Variants in WRAP53 observed in about 807,000 individuals in gnomAD.
WRAP53 encodes telomerase Cajal body protein 1.
In WRAP53, 28 loss-of-function variants were observed where a neutral mutation model predicts 56.6. That is an observed-to-expected ratio of 0.50 (90% CI 0.37 to 0.68). The LOEUF is 0.68. WRAP53 is among the 30% of genes least tolerant of loss of function. The probability of loss-of-function intolerance (pLI) is 0.00; values close to 1 mark genes in which losing one functional copy is unlikely to be tolerated. For synonymous variants in WRAP53, 283 were observed against 283.4 expected (o/e 1.00, Z 0.01); for missense variants, 671 against 715.5 (o/e 0.94, Z 0.71).
upstream of WRAP53, chr17:7,687,785 A>T (rs1189014563): frequency 2.5e-6 from 1 of 396,400 alleles, no homozygotes; most frequent in Non-Finnish European, 4.4e-6. Context: ...CATTGTGTCA[A>T]ATATGAAGGG....
At chr17:7,689,804 CTG>C (rs2074085083) in intron 4 of WRAP53, 103 bp downstream of exon 4, 1 of 970,970 alleles carries the variant, frequency 1.0e-6, no homozygotes, top group African/African-American at 1.6e-5. Context: ...ACAAACGGGA[CTG>C]TTTTTCAAGA....
In WRAP53 at chr17:7,701,893, TC is replaced by T. The variant is rs749292757; in HGVS notation, c.955+105del. 2 of 1,523,274 alleles carry T rather than the reference TC, an allele frequency of 1.3e-6. No individual in the cohort carries two copies. Among genetic ancestry groups the T allele is most frequent in the African/African-American group, 2.7e-5 (2 of 72,910 alleles). The allele number at this position is 1,523,274 out of a possible 1,614,324, so 94.4% of individuals were successfully genotyped here. A position where few individuals can be genotyped will look rare whatever the true frequency, so the allele number is the denominator to read the frequency against. The stretch of plus-strand genomic sequence containing the variant: ...CCACCTGTGGGGGTTCACGCCGTCC[TC>T]TGTACGGCCCCGGGAGCAGGTGCAG... On this transcript the variant is annotated intron_variant, in intron 7 of 10. Coordinates refer to ENST00000396463, the MANE Select transcript of WRAP53 (RefSeq NM_001143992.2). The surrounding 1 kb of genome is among the most constrained non-coding windows in gnomAD (Gnocchi z 4.2).
chr17:7,689,482 C>G (rs936989880), intron 3 of WRAP53, 108 bp from the exon 4 acceptor site: 1 of 1,287,180 alleles, frequency 7.8e-7, no homozygotes, highest in Non-Finnish European at 1.1e-6. Flanking sequence ...TCTTCTACTT[C>G]CCTCAAGGAT....
intron 4 of WRAP53, among the ~76,000 whole-genome samples, chr17:7,697,275 C>T (rs1197349469): frequency 6.7e-5 from 10 of 149,272 alleles, no homozygotes; most frequent in Admixed American, 1.3e-4. Flanking sequence ...GAGCCGAGAT[C>T]GTGCCACTGC....
chr17:7,699,502 T>TATATATATATATA (rs1567577549), intron 4 of WRAP53, among the ~76,000 whole-genome samples: 2 of 11,762 alleles, frequency 1.7e-4, no homozygotes, highest in Non-Finnish European at 2.6e-4. Flanking sequence ...ATATATATAT[T>TATATATATATATA]TATATATATA....
rs1051769455 is a variant in WRAP53 at position 7,695,931 on chromosome 17, A to G, written c.643-4810A>G. Among the ~76,000 whole-genome samples, 6 of 151,994 alleles carry G rather than the reference A, an allele frequency of 3.9e-5. No homozygotes were observed. In the South Asian group the frequency reaches 1.2e-3, roughly 31 times the overall value. ...GCCTCCTTTTGCTCATTAAAACCGT[A>G]TTTGTTGACTCTGCTTATTCTGCAC... is the stretch of plus-strand genomic sequence containing the variant. On this transcript the variant is annotated intron_variant, in intron 4 of 10. Transcript: ENST00000396463.
chr17:7,686,705 A>C (rs1023420140), upstream of WRAP53: 1 of 152,428 alleles, frequency 6.6e-6, no homozygotes, highest in African/African-American at 2.4e-5. Flanking sequence ...GAGCCAAACA[A>C]TAACAGGGCT....
chr17:7,695,308 T>A (rs1210860201), intron 4 of WRAP53, among the ~76,000 whole-genome samples: 1 of 152,114 alleles, frequency 6.6e-6, no homozygotes, highest in East Asian at 1.9e-4. Flanking sequence ...TGTATTTGGG[T>A]ATTTCCATAT....
Position 7,700,791 on chromosome 17 carries a change from G to A in WRAP53, c.693G>A (p.Trp231Ter). Residue 231 changes from tryptophan to a stop codon, truncating the protein, a stop_gained, in exon 5 of 11, where the codon TGG becomes TGA. Coordinates refer to ENST00000396463, the MANE Select transcript of WRAP53 (RefSeq NM_001143992.2). LOFTEE classifies it high-confidence loss of function. Reference protein sequence around the residue: ...VEGDTIYDYCWYSLMSSAQPD... With the variant: ...VEGDTIYDYC ...GTGATACCATCTATGATTACTGCTGGTATTCTCTGATGTCCTCAGCCCAGC... is the reference window on the plus strand; with the variant it reads ...GTGATACCATCTATGATTACTGCTGATATTCTCTGATGTCCTCAGCCCAGC... 1.2e-6 allele frequency: 2 copies of A among 1,613,198 alleles called. No homozygotes were observed. Among genetic ancestry groups the A allele is most frequent in the South Asian group, 2.2e-5 (2 of 91,068 alleles).
chr17:7,688,566 GT>G lies in WRAP53; in HGVS notation c.-2+8del. ...CAGAAGAGGAGGGAAGCACAGGTGG[GT>G]TTCTTTAGCTCTGCGTCGGATCCCT... On this transcript the variant is annotated splice_donor_region_variant and intron_variant, in intron 1 of 10. Transcript: ENST00000396463. 6.6e-7 allele frequency: 1 copy of G among 1,505,946 alleles called. No homozygotes were observed. 93.3% of individuals were successfully genotyped at this position (1,505,946 alleles called of 1,614,324 possible).
At chr17:7,692,831 A>G (rs917600366) in intron 4 of WRAP53, among the ~76,000 whole-genome samples, 7 of 138,446 alleles carry the variant, frequency 5.1e-5, no homozygotes, top group African/African-American at 2.0e-4. Context: ...AGCTCACTGC[A>G]AGCTCTGCCT....
At position 7,701,534 on chromosome 17, in the gene WRAP53, C is replaced by T. The variant is rs35307405; in HGVS notation, c.807C>T (p.Arg269=). 6.6e-4 allele frequency: 1,063 copies of T among 1,614,244 alleles called. 10 individuals carry two copies. The African/African-American group carries it at 0.012, about 19-fold the overall frequency. The stretch of plus-strand genomic sequence containing the variant: ...CTGGAGAGCTCCGGGCTTCCTTTCG[C>T]GCCTACAACCACCTGGTAGGGACCG... ...AFTGELRASF[R]AYNHLDELTA... Residue 269 remains arginine, a synonymous_variant, in exon 6 of 11, where the codon CGC becomes CGT. Coordinates refer to ENST00000396463, the MANE Select transcript of WRAP53 (RefSeq NM_001143992.2). The surrounding 1 kb of genome is among the most constrained non-coding windows in gnomAD (Gnocchi z 4.2).
chr17:7,700,035 T>C (rs2074253393), intron 4 of WRAP53, among the ~76,000 whole-genome samples: 2 of 151,666 alleles, frequency 1.3e-5, no homozygotes, highest in Admixed American at 1.3e-4. Flanking sequence ...GCTCAGCCGA[T>C]AATTTTTTTC....
intron 4 of WRAP53, 49 bp from the exon 5 acceptor site, chr17:7,700,692 G>C: frequency 7.2e-7 from 1 of 1,388,266 alleles, no homozygotes; most frequent in South Asian, 1.2e-5. Context: ...ACGCGCCTCA[G>C]ACTCCTTTTC....
chr17:7,697,595 G>T (rs573993669), intron 4 of WRAP53, among the ~76,000 whole-genome samples: 1 of 152,188 alleles, frequency 6.6e-6, no homozygotes, highest in African/African-American at 2.4e-5. Context: ...GGAGGCAGAG[G>T]TTGTAGTGAG....
At chr17:7,698,386 C>T (rs1416341203) in intron 4 of WRAP53, among the ~76,000 whole-genome samples, 1 of 152,066 alleles carries the variant, frequency 6.6e-6, no homozygotes, top group Non-Finnish European at 1.5e-5. Flanking sequence ...AAATGTGTTT[C>T]CATGGTTAAA....
Position 7,692,132 on chromosome 17 carries a change from G to T in WRAP53, c.642+2431G>T, listed in dbSNP as rs529119581. Among the ~76,000 whole-genome samples, 9 of 151,432 alleles carry T rather than the reference G, an allele frequency of 5.9e-5. No individual in the cohort carries two copies. In the South Asian group the frequency reaches 1.9e-3, roughly 32 times the overall value. On this transcript the variant is annotated intron_variant, in intron 4 of 10. Coordinates refer to ENST00000396463, the MANE Select transcript of WRAP53 (RefSeq NM_001143992.2). Reference sequence around the variant, plus strand: ...TGGGATTACAGGCATGAGCCACTGCGCCCGGCCAAGAGAGTTTTAAAACAG... The same window carrying T: ...TGGGATTACAGGCATGAGCCACTGCTCCCGGCCAAGAGAGTTTTAAAACAG...
chr17:7,692,746 CTTTT>C (rs1177019881), intron 4 of WRAP53, among the ~76,000 whole-genome samples: 10 of 98,046 alleles, frequency 1.0e-4, no homozygotes, highest in Non-Finnish European at 1.7e-4. Context: ...GGTCATTCTC[CTTTT>C]TTTTTTTTTT....
intron 4 of WRAP53, among the ~76,000 whole-genome samples, chr17:7,699,476 T>TTTTATATATATATA (rs1491298527): frequency 8.8e-5 from 1 of 11,400 alleles, no homozygotes; most frequent in Non-Finnish European, 1.3e-4. Flanking sequence ...ATATATATAT[T>TTTTATATATATATA]TATATATATA....
Sources: gnomAD v4.1 joint callset for allele counts (sites outside exome capture counted in the v4.1 genomes callset) on GRCh38, gnomAD v4.1.1 for gene constraint, Gnocchi (gnomAD v3.1) non-coding constraint, MANE v1.5 for transcripts, NCBI Gene and HGNC (gene_info 2026-07-23, HGNC 2026-07-21) for gene names.